Variants in MED27 observed in about 807,000 individuals in gnomAD.
MED27 encodes mediator complex subunit 27.
In MED27, 30 loss-of-function variants were observed where a neutral mutation model predicts 38.2. The observed-to-expected ratio is 0.79, with a 90% CI of 0.59 to 1.07. The LOEUF is 1.07. Among genes scored for constraint, MED27 ranks in the 50% least tolerant of loss-of-function variants. The pLI is 0.00. For missense variants in MED27, 289 were observed against 397.5 expected (o/e 0.73, Z 2.32); for synonymous variants, 122 against 153.5 (o/e 0.79, Z 1.52).
Position 131,934,654 on chromosome 9 carries a change from T to C in MED27, c.573+4727A>G, listed in dbSNP as rs574202327. Among the ~76,000 whole-genome samples, 3 of 152,098 alleles carry C rather than the reference T, an allele frequency of 2.0e-5. No homozygotes were observed. In the South Asian group the frequency reaches 6.2e-4, roughly 32 times the overall value. On this transcript the variant is annotated intron_variant, in intron 4 of 7. Coordinates refer to ENST00000292035, the MANE Select transcript of MED27 (RefSeq NM_004269.4). ...ACCACCATGGAGAACAGTTTTGAGGTTCCTCAGAAAACCAAAAAATAGAGC... is the reference window on the plus strand; with the variant it reads ...ACCACCATGGAGAACAGTTTTGAGGCTCCTCAGAAAACCAAAAAATAGAGC...
At chr9:132,064,310 G>C (rs528349505) in intron 2 of MED27, among the ~76,000 whole-genome samples, 1 of 152,062 alleles carries the variant, frequency 6.6e-6, no homozygotes, top group East Asian at 1.9e-4. Flanking sequence ...CTCATGCACG[G>C]GCAAAATCGG....
chr9:131,994,769 C>G (rs568808441), intron 3 of MED27, among the ~76,000 whole-genome samples: 2 of 152,208 alleles, frequency 1.3e-5, no homozygotes, highest in African/African-American at 2.4e-5. Flanking sequence ...GGCAAGTTCT[C>G]TTGCCCTTTG....
Position 131,896,714 on chromosome 9 carries a change from C to CTA in MED27, c.574-2724_574-2723dup, listed in dbSNP as rs575072898. On this transcript the variant is annotated intron_variant, in intron 4 of 7. Transcript: ENST00000292035. Reference sequence around the variant, plus strand: ...AATTTCTAACATCGTTATAATGAAACTATATATATATATTTTCTTTCTTTT... The same window carrying CTA: ...AATTTCTAACATCGTTATAATGAAACTATATATATATATATTTTCTTTCTTTT... 6.1e-4 allele frequency among the ~76,000 whole-genome samples: 93 copies of CTA among 151,750 alleles called. 2 individuals are homozygous for CTA. In the South Asian group the frequency reaches 0.013, roughly 21 times the overall value.
At chr9:131,876,336 C>T (rs1838932622) in intron 6 of MED27, among the ~76,000 whole-genome samples, 1 of 152,068 alleles carries the variant, frequency 6.6e-6, no homozygotes, top group Non-Finnish European at 1.5e-5. Context: ...CGCAGCGTGC[C>T]CTCAGAAAGT....
In MED27 at chr9:131,881,800, C is replaced by CTTTTTTTTTTTTTTTTT. The variant is rs61624043; in HGVS notation, c.723+2241_723+2257dup. Among the ~76,000 whole-genome samples the CTTTTTTTTTTTTTTTTT allele has an allele frequency of 1.0e-3, 64 of 60,972 alleles. 3 individuals carry two copies. Among genetic ancestry groups the CTTTTTTTTTTTTTTTTT allele is most frequent in the Non-Finnish European group, 1.3e-3 (43 of 33,134 alleles). The allele number at this position is 60,972 out of a possible 152,430, so 40.0% of individuals were successfully genotyped here. On this transcript the variant is annotated intron_variant, in intron 6 of 7. Transcript: ENST00000292035. ...CCTCCCTCCCTTCCTTCTTCTTCTT[C>CTTTTTTTTTTTTTTTTT]TTTTTTTTTTTTTTTTTTTTTTTTG...
chr9:131,966,383 C>CAAAAAA (rs749607968), intron 3 of MED27, among the ~76,000 whole-genome samples: 3,514 of 36,642 alleles, frequency 0.096, 386 homozygotes, highest in Non-Finnish European at 0.11. Context: ...GACCCTGTCA[C>CAAAAAA]AAAAAAAAAA....
chr9:131,971,815 A>G (rs1396492066), intron 3 of MED27, among the ~76,000 whole-genome samples: 1 of 152,214 alleles, frequency 6.6e-6, no homozygotes. Flanking sequence ...AAAACTTTGC[A>G]GTTTTCTATG....
At chr9:131,951,364 A>G (rs1589229868) in intron 3 of MED27, among the ~76,000 whole-genome samples, 1 of 152,208 alleles carries the variant, frequency 6.6e-6, no homozygotes, top group Non-Finnish European at 1.5e-5. Flanking sequence ...AGAACTCCAC[A>G]GGGGGAAGGC....
Position 131,875,638 on chromosome 9 carries a change from T to C in MED27, c.723+8420A>G, listed in dbSNP as rs538066519. Among the ~76,000 whole-genome samples, 279 of 152,302 alleles carry C rather than the reference T, an allele frequency of 1.8e-3. 1 individual carries two copies. Among genetic ancestry groups the C allele is most frequent in the Middle Eastern group, 3.4e-3 (1 of 294 alleles). On this transcript the variant is annotated intron_variant, in intron 6 of 7. Transcript: ENST00000292035. ...AGACATTCACCTTACACTTCATACC[T>C]ACGAATTCAACTTCACACCAAGTCT...
chr9:131,995,350 G>A (rs1312795778), intron 3 of MED27, among the ~76,000 whole-genome samples: 2 of 151,512 alleles, frequency 1.3e-5, no homozygotes, highest in African/African-American at 4.8e-5. Context: ...TGACAGAAAC[G>A]GACCCAACAG....
intron 2 of MED27, among the ~76,000 whole-genome samples, chr9:132,043,209 A>T (rs1833258038): frequency 6.6e-6 from 1 of 151,952 alleles, no homozygotes; most frequent in African/African-American, 2.4e-5. Flanking sequence ...AAAAAGTAAC[A>T]CTTATACTAG....
chr9:131,968,779 A>G (rs1415154051), intron 3 of MED27, among the ~76,000 whole-genome samples: 1 of 152,206 alleles, frequency 6.6e-6, no homozygotes, highest in Non-Finnish European at 1.5e-5. Context: ...ACTGGGCCGC[A>G]CAGCAGGAGG....
chr9:131,898,594 A>ATT (rs35060514), intron 4 of MED27, among the ~76,000 whole-genome samples: 6 of 141,048 alleles, frequency 4.3e-5, no homozygotes, highest in African/African-American at 1.0e-4. Context: ...GGCTTTATGC[A>ATT]TTTTTTTTTT....
intron 6 of MED27, among the ~76,000 whole-genome samples, chr9:131,874,022 C>CACCT (rs1838880517): frequency 6.6e-6 from 1 of 152,216 alleles, no homozygotes; most frequent in African/African-American, 2.4e-5. Context: ...ACTCCACAGC[C>CACCT]ACCTACAGGA....
At chr9:132,070,660 G>C (rs957786322) in intron 2 of MED27, among the ~76,000 whole-genome samples, 1 of 152,126 alleles carries the variant, frequency 6.6e-6, no homozygotes, top group Non-Finnish European at 1.5e-5. Flanking sequence ...GTACCAAGAT[G>C]AGAAGAGTCC....
rs1334669952 is a variant in MED27 at position 131,981,794 on chromosome 9, C to T, written c.479+32543G>A. Among the ~76,000 whole-genome samples the T allele has an allele frequency of 2.0e-5, 3 of 152,186 alleles. No individual in the cohort carries two copies. In the East Asian group the frequency reaches 5.8e-4, roughly 29 times the overall value. On this transcript the variant is annotated intron_variant, in intron 3 of 7. Coordinates refer to ENST00000292035, the MANE Select transcript of MED27 (RefSeq NM_004269.4). Reference sequence around the variant, plus strand: ...CTCAGGGAGAGGGGGCACACGGCGGCCAAGGAGGCAACGCACTCTCTAACA... The same window carrying T: ...CTCAGGGAGAGGGGGCACACGGCGGTCAAGGAGGCAACGCACTCTCTAACA...
At chr9:131,912,371 C>T (rs182802500) in intron 4 of MED27, among the ~76,000 whole-genome samples, 2 of 152,296 alleles carry the variant, frequency 1.3e-5, no homozygotes, top group African/African-American at 4.8e-5. Context: ...CCAAGAAACC[C>T]ACTTTGGGAA....
intron 4 of MED27, among the ~76,000 whole-genome samples, chr9:131,910,831 T>G (rs73553011): frequency 5.4e-4 from 83 of 152,306 alleles, no homozygotes; most frequent in African/African-American, 2.0e-3. Flanking sequence ...CCTCCCCTCC[T>G]GGACTGGTGC....
intron 4 of MED27, among the ~76,000 whole-genome samples, chr9:131,908,765 G>A (rs913936556): frequency 1.3e-5 from 2 of 151,682 alleles, no homozygotes; most frequent in African/African-American, 4.8e-5. Context: ...CCTCTGCCTA[G>A]GAAAACCAGA....
Sources: allele counts gnomAD v4.1 joint callset (sites outside exome capture counted in the v4.1 genomes callset), GRCh38; gene constraint gnomAD v4.1.1; transcripts MANE v1.5; gene names NCBI Gene and HGNC (gene_info 2026-07-23, HGNC 2026-07-21).